The following SPON2 variants were observed in gnomAD, a reference collection of about 807,000 sequenced individuals.
SPON2 encodes the protein spondin-2.
A neutral mutation model predicts 29.9 loss-of-function variants in SPON2; 32 were observed. The observed-to-expected ratio is 1.07, with a 90% CI of 0.81 to 1.44. The LOEUF (loss-of-function observed/expected upper bound fraction) is 1.44, where lower values mean the gene tolerates loss of function less well. Among genes scored for constraint, SPON2 ranks in the 40% most tolerant of loss-of-function variants. SPON2 has a pLI of 0.00. For synonymous variants in SPON2, 248 were observed against 209.1 expected (o/e 1.19, Z -1.61); for missense variants, 541 against 455.5 (o/e 1.19, Z -1.71).
Position 1,171,865 on chromosome 4 carries a change from C to A in SPON2, c.207G>T (p.Trp69Cys). The change falls in exon 2 of 6, where the codon TGG (tryptophan) becomes TGT (cysteine). Residue 69 changes from tryptophan (W) to cysteine (C), a missense_variant. Transcript: ENST00000290902. ...GGCTGTACTTACCCAGCAGCGAAGA[C>A]CACTGCGCAGGGGGGCGGAACAGGG... ...QYPLFRPPAQ[W>C]SSLLGAAHSS... The A allele has an allele frequency of 1.2e-6, 2 of 1,612,360 alleles. No homozygotes were observed. Among genetic ancestry groups the A allele is most frequent in the Non-Finnish European group, 1.7e-6 (2 of 1,179,386 alleles).
intron 5 of SPON2, among the ~76,000 whole-genome samples, chr4:1,168,684 G>T (rs1727325200): frequency 6.6e-6 from 1 of 152,240 alleles, no homozygotes. Context: ...TGAAACCGAG[G>T]TGGTGGGAGC....
At chr4:1,171,610 C>T (rs1727452540) in intron 2 of SPON2, 124 bp from the exon 3 acceptor site, 3 of 1,052,512 alleles carry the variant, frequency 2.9e-6, no homozygotes, top group Non-Finnish European at 4.1e-6. Context: ...CCAGTCACGT[C>T]GGACCGTGAC....
At chr4:1,172,121 G>A in intron 1 of SPON2, 47 bp from the exon 2 acceptor site, 9 of 1,551,510 alleles carry the variant, frequency 5.8e-6, no homozygotes, top group Non-Finnish European at 7.9e-6. Flanking sequence ...CGTCGTGGCA[G>A]CCTCGGGGTG....
Position 1,167,072 on chromosome 4 carries a change from A to G in SPON2, c.*400T>C, listed in dbSNP as rs1468718413. The G allele has an allele frequency of 5.8e-6, 1 of 173,564 alleles. No individual in the cohort carries two copies. Among genetic ancestry groups the G allele is most frequent in the Non-Finnish European group, 1.2e-5 (1 of 82,842 alleles). 10.8% of individuals were successfully genotyped at this position (173,564 alleles called of 1,614,324 possible). On this transcript the variant is annotated 3_prime_UTR_variant, in exon 6 of 6. Transcript: ENST00000290902. Reference sequence around the variant, plus strand: ...GCGCCCTCGGGAGAGTGGGCTCAGCACAGCCTAGAGCACCAGGTCTGAGGT... The same window carrying G: ...GCGCCCTCGGGAGAGTGGGCTCAGCGCAGCCTAGAGCACCAGGTCTGAGGT...
intron 1 of SPON2, among the ~76,000 whole-genome samples, chr4:1,193,839 G>A (rs1450625786): frequency 8.9e-5 from 8 of 90,184 alleles, no homozygotes; most frequent in Non-Finnish European, 1.7e-4. Flanking sequence ...GGAAGGACGT[G>A]GGGGGGCAGC....
rs770541002 is a variant in SPON2, at chr4:1,171,096, G to T, written c.539C>A (p.Ala180Glu). ...GTCGTAGGGGTACAGGTCCAGCGCC[G>T]CCTGTTCCCGCCAACGGTCCCCGTC... ...LCDGDRWREQAALDLYPYDAG... is the reference protein window; with the variant it reads ...LCDGDRWREQEALDLYPYDAG... Residue 180 changes from alanine to glutamate, a missense_variant, in exon 4 of 6, where the codon GCG (alanine) becomes GAG (glutamate). Physicochemically the swap from Ala to Glu is moderately radical, Grantham distance 107. Coordinates refer to ENST00000290902, the MANE Select transcript of SPON2 (RefSeq NM_012445.4). 3.9e-6 allele frequency: 6 copies of T among 1,550,250 alleles called. No homozygotes were observed. The South Asian group carries it at 4.8e-5, about 12-fold the overall frequency.
At chr4:1,170,935 GC>G in intron 4 of SPON2, 63 bp downstream of exon 4, 2 of 1,536,678 alleles carry the variant, frequency 1.3e-6, no homozygotes, top group Non-Finnish European at 8.8e-7. Context: ...GTGCAGCCAG[GC>G]CCCAGCCCCG....
chr4:1,168,085 A>AC (rs1281044740), intron 5 of SPON2: 23 of 172,922 alleles, frequency 1.3e-4, no homozygotes, highest in Admixed American at 8.2e-4. Flanking sequence ...CGGGACCTGG[A>AC]CCCCCCACAG....
At chr4:1,197,281 C>T (rs554996058), upstream of SPON2, 3 of 152,250 alleles carry the variant, frequency 2.0e-5, no homozygotes, top group South Asian at 6.2e-4. Context: ...TGTGTATTGG[C>T]TGCAAAGAAA....
intron 1 of SPON2, among the ~76,000 whole-genome samples, chr4:1,188,081 G>A (rs1254547967): frequency 1.3e-5 from 2 of 151,120 alleles, no homozygotes; most frequent in Admixed American, 1.3e-4. Context: ...CGTGGTGGCG[G>A]GTGCCTGTAA....
chr4:1,207,685 G>A (rs185205788), intron 1 of SPON2, among the ~76,000 whole-genome samples: 432 of 151,984 alleles, frequency 2.8e-3, no homozygotes, highest in Non-Finnish European at 4.8e-3. Flanking sequence ...GCTCCAGAGG[G>A]TCCGGCTGCC....
At position 1,171,248 on chromosome 4, in the gene SPON2, C is replaced by T. The variant is rs568967259; in HGVS notation, c.444+15G>A. On this transcript the variant is annotated intron_variant, in intron 3 of 5. Transcript: ENST00000290902. ...CGGCCCCCCGGACCCCGCCCCCGGC[C>T]GGCCCCGCGCTCACCAGCGAGTGCC... 6 of 1,433,626 alleles carry T rather than the reference C, an allele frequency of 4.2e-6. No homozygotes were observed. Among genetic ancestry groups the T allele is most frequent in the African/African-American group, 3.0e-5 (2 of 66,576 alleles). The allele number at this position is 1,433,626 out of a possible 1,614,324, so 88.8% of individuals were successfully genotyped here.
chr4:1,173,404 TCC>T (rs1727524721), upstream of SPON2, among the ~76,000 whole-genome samples: 1 of 152,014 alleles, frequency 6.6e-6, no homozygotes, highest in Admixed American at 6.5e-5. Context: ...GGGGCCCCCC[TCC>T]CCAGGACCCC....
intron 1 of SPON2, among the ~76,000 whole-genome samples, chr4:1,183,209 T>A (rs1224767771): frequency 2.3e-5 from 3 of 132,722 alleles, no homozygotes; most frequent in African/African-American, 8.6e-5. Context: ...ACCACTGCAC[T>A]CCAACCTGGG....
intron 5 of SPON2, among the ~76,000 whole-genome samples, chr4:1,169,138 C>T (rs188522595): frequency 6.6e-6 from 1 of 152,060 alleles, no homozygotes; most frequent in Admixed American, 6.5e-5. Flanking sequence ...TTATCCCTCT[C>T]CTAGCCCAGG....
chr4:1,201,117 G>A (rs550630878), intron 1 of SPON2: 26 of 455,626 alleles, frequency 5.7e-5, no homozygotes, highest in African/African-American at 4.4e-4. Context: ...ATGGCCCTCT[G>A]CGGTCACCCA....
At position 1,167,294 on chromosome 4, in the gene SPON2, C is replaced by A; in HGVS notation, c.*178G>T. On this transcript the variant is annotated 3_prime_UTR_variant, in exon 6 of 6. Coordinates refer to ENST00000290902, the MANE Select transcript of SPON2 (RefSeq NM_012445.4). ...GTTGGGAAAGGAGGAGGCTGTTTCC[C>A]AATGCCCGTGCCGGCCACCAGAGGG... 1 of 616,578 alleles carries A rather than the reference C, an allele frequency of 1.6e-6. No homozygotes were observed. Among genetic ancestry groups the A allele is most frequent in the Non-Finnish European group, 2.7e-6 (1 of 370,946 alleles). 38.2% of individuals were successfully genotyped at this position (616,578 alleles called of 1,614,324 possible).
chr4:1,201,871 C>T (rs987732744), intron 1 of SPON2, among the ~76,000 whole-genome samples: 13 of 152,238 alleles, frequency 8.5e-5, no homozygotes, highest in African/African-American at 3.1e-4. Flanking sequence ...GCGTGAGCCA[C>T]CTCGCCCAGC....
At chr4:1,178,863 G>A (rs992474234) in intron 2 of SPON2, among the ~76,000 whole-genome samples, 1 of 152,206 alleles carries the variant, frequency 6.6e-6, no homozygotes, top group Admixed American at 6.5e-5. Flanking sequence ...ACGGGGCTGC[G>A]GAGTGGCAGC....
Sources: allele counts gnomAD v4.1 joint callset (sites outside exome capture counted in the v4.1 genomes callset), GRCh38; gene constraint gnomAD v4.1.1; transcripts MANE v1.5; gene names NCBI Gene and HGNC (gene_info 2026-07-23, HGNC 2026-07-21).